Variants in AUTS2 observed in about 807,000 individuals in gnomAD.
AUTS2 encodes the protein activator of transcription and developmental regulator AUTS2, also known as autism susceptibility gene 2 protein.
A neutral mutation model predicts 112.4 loss-of-function variants in AUTS2; 17 were observed. The ratio of observed to expected loss-of-function variants is 0.15; its 90% CI spans 0.10 to 0.23. The LOEUF (loss-of-function observed/expected upper bound fraction) is 0.23, where lower values mean the gene tolerates loss of function less well. Ranked by LOEUF, AUTS2 falls within the 10% of genes least tolerant of loss-of-function variation. The pLI, the probability that AUTS2 is intolerant of heterozygous loss-of-function variation, is 1.00. For synonymous variants in AUTS2, 751 were observed against 702.7 expected (o/e 1.07, Z -1.09); for missense variants, 1,510 against 1,701.6 (o/e 0.89, Z 1.98).
At chr7:70,737,317 G>T (rs1787832224) in intron 6 of AUTS2, among the ~76,000 whole-genome samples, 1 of 152,204 alleles carries the variant, frequency 6.6e-6, no homozygotes, top group Non-Finnish European at 1.5e-5. Context: ...GCACCACCGT[G>T]TGCCAAAGGG....
intron 2 of AUTS2, among the ~76,000 whole-genome samples, chr7:70,057,560 CAAA>C (rs1226492192): frequency 6.6e-6 from 1 of 152,072 alleles, no homozygotes; most frequent in Non-Finnish European, 1.5e-5. Context: ...ATTTAATCCT[CAAA>C]AAAATAATTG....
intron 5 of AUTS2, among the ~76,000 whole-genome samples, chr7:70,543,065 TCC>T (rs1563028854): frequency 1.3e-5 from 2 of 152,126 alleles, no homozygotes; most frequent in Non-Finnish European, 2.9e-5. Flanking sequence ...CACCCAAAAG[TCC>T]CTAGGCTTAA....
At chr7:70,461,533 A>G (rs894060929) in intron 5 of AUTS2, among the ~76,000 whole-genome samples, 3 of 152,178 alleles carry the variant, frequency 2.0e-5, no homozygotes, top group Admixed American at 1.3e-4. Context: ...TTGAAGCTGC[A>G]TTCTCTCTGA....
intron 4 of AUTS2, among the ~76,000 whole-genome samples, chr7:70,156,996 G>C (rs972692011): frequency 2.1e-5 from 3 of 145,898 alleles, no homozygotes; most frequent in Non-Finnish European, 4.5e-5. Context: ...AGAATCGCTT[G>C]AACCTGGGAG....
chr7:70,423,610 AAGTCCAAGCTAC>A (rs1425382396), intron 4 of AUTS2, among the ~76,000 whole-genome samples: 3 of 152,230 alleles, frequency 2.0e-5, no homozygotes, highest in African/African-American at 7.2e-5. Context: ...TTTGAAGAAT[AAGTCCAAGCTAC>A]TTCCATCCCA....
chr7:69,966,041 C>T (rs1332975304), intron 2 of AUTS2, among the ~76,000 whole-genome samples: 4 of 152,088 alleles, frequency 2.6e-5, no homozygotes, highest in Non-Finnish European at 4.4e-5. Context: ...GTGGTAATCA[C>T]GCCTAAAATT....
At chr7:70,783,264 CG>C (rs1791209800) in intron 15 of AUTS2, 1 of 152,098 alleles carries the variant, frequency 6.6e-6, no homozygotes, top group African/African-American at 2.4e-5. Context: ...TTGGTGGAGG[CG>C]GGGTATCATT....
chr7:70,149,013 T>C (rs1261759902), intron 4 of AUTS2, among the ~76,000 whole-genome samples: 4 of 152,076 alleles, frequency 2.6e-5, no homozygotes, highest in African/African-American at 9.7e-5. Flanking sequence ...CCATGTTCTG[T>C]TCTCATTATG....
intron 5 of AUTS2, among the ~76,000 whole-genome samples, chr7:70,491,200 T>G (rs1375136896): frequency 6.6e-6 from 1 of 151,244 alleles, no homozygotes; most frequent in Non-Finnish European, 1.5e-5. Context: ...CTGGCCTTCC[T>G]TATTCTCTCA....
chr7:70,367,195 G>A (rs1245267148), intron 4 of AUTS2, among the ~76,000 whole-genome samples: 4 of 152,060 alleles, frequency 2.6e-5, no homozygotes, highest in African/African-American at 4.8e-5. Flanking sequence ...ACCAGGTGGC[G>A]CAGGTTGCAG....
In AUTS2 at chr7:70,253,752, AT is replaced by A. The variant is rs140836928; in HGVS notation, c.660+119191del. Among the ~76,000 whole-genome samples the A allele has an allele frequency of 1.9e-4, 28 of 150,006 alleles. No individual in the cohort carries two copies. In the South Asian group the frequency reaches 2.3e-3, roughly 12 times the overall value. ...TTGTCATTATGCATTATCAGAAGAG[AT>A]TTTTTTTTTCTGCCGGCAATACTAT... On this transcript the variant is annotated intron_variant, in intron 4 of 18. Transcript: ENST00000342771.
chr7:70,619,409 A>T (rs2129536482), intron 5 of AUTS2, among the ~76,000 whole-genome samples: 1 of 151,974 alleles, frequency 6.6e-6, no homozygotes, highest in Non-Finnish European at 1.5e-5. Context: ...TTGTCTGGGG[A>T]GTGCGTGCGG....
At chr7:70,546,935 G>T (rs1358977215) in intron 5 of AUTS2, among the ~76,000 whole-genome samples, 1 of 152,076 alleles carries the variant, frequency 6.6e-6, no homozygotes, top group African/African-American at 2.4e-5. Context: ...TTGTTGTTTT[G>T]TGTGTTTGAT....
At chr7:70,123,206 A>G (rs934728115) in intron 3 of AUTS2, among the ~76,000 whole-genome samples, 30 of 152,302 alleles carry the variant, frequency 2.0e-4, no homozygotes, top group Middle Eastern at 3.4e-3. Flanking sequence ...ACCAACCCAC[A>G]GAATGGATCT....
At chr7:70,761,685 C>G (rs1417235749) in intron 6 of AUTS2, among the ~76,000 whole-genome samples, 1 of 152,162 alleles carries the variant, frequency 6.6e-6, no homozygotes, top group Admixed American at 6.6e-5. Context: ...TCAAGCCATT[C>G]TACTAAATGT....
intron 1 of AUTS2, among the ~76,000 whole-genome samples, chr7:69,813,266 T>C (rs1015845501): frequency 1.3e-5 from 2 of 152,214 alleles, no homozygotes; most frequent in Non-Finnish European, 2.9e-5. Flanking sequence ...TCTCACTTCC[T>C]TCAGGCCCCT....
chr7:70,519,613 C>G (rs577416934), intron 5 of AUTS2, among the ~76,000 whole-genome samples: 6 of 152,146 alleles, frequency 3.9e-5, no homozygotes, highest in African/African-American at 1.2e-4. Flanking sequence ...AGAAACAAAA[C>G]CTTTTATGGA....
chr7:70,729,921 C>T (rs909712562), intron 6 of AUTS2, among the ~76,000 whole-genome samples: 3 of 152,122 alleles, frequency 2.0e-5, no homozygotes, highest in Non-Finnish European at 4.4e-5. Flanking sequence ...CTGGCCCCAT[C>T]ACCCAGGCTG....
intron 2 of AUTS2, among the ~76,000 whole-genome samples, chr7:69,951,971 A>T (rs897457969): frequency 6.6e-6 from 1 of 152,168 alleles, no homozygotes; most frequent in African/African-American, 2.4e-5. Flanking sequence ...AGATTATTTC[A>T]GTTACTTTAT....
Sources: gnomAD v4.1 joint callset for allele counts (sites outside exome capture counted in the v4.1 genomes callset) on GRCh38, gnomAD v4.1.1 for gene constraint, MANE v1.5 for transcripts, NCBI Gene and HGNC (gene_info 2026-07-23, HGNC 2026-07-21) for gene names.